The following CSMD1 variants were observed in gnomAD, a reference collection of about 807,000 sequenced individuals.
CSMD1 encodes CUB and Sushi multiple domains 1.
A neutral mutation model predicts 417.5 loss-of-function variants in CSMD1; 213 were observed. That is an observed-to-expected ratio of 0.51 (90% confidence interval 0.46 to 0.57). The LOEUF (loss-of-function observed/expected upper bound fraction) is 0.57, where lower values mean the gene tolerates loss of function less well. CSMD1 is among the 20% of genes least tolerant of loss of function. The pLI, the probability that CSMD1 is intolerant of heterozygous loss-of-function variation, is 0.00. For synonymous variants in CSMD1, 2,862 were observed against 1,736.8 expected, an observed-to-expected ratio of 1.65 and a Z score of -16.11; for missense variants, 6,923 against 4,529.7, an observed-to-expected ratio of 1.53 and a Z score of -15.17.
At chr8:4,160,147 C>A (rs1160994834) in intron 3 of CSMD1, among the ~76,000 whole-genome samples, 1 of 151,456 alleles carries the variant, frequency 6.6e-6, no homozygotes, top group South Asian at 2.1e-4. Flanking sequence ...CAAGTATTAA[C>A]TTTGAAAATT....
intron 5 of CSMD1, among the ~76,000 whole-genome samples, chr8:3,940,973 TCTA>T (rs1426221387): frequency 1.3e-5 from 2 of 151,940 alleles, no homozygotes; most frequent in African/African-American, 4.8e-5. Flanking sequence ...CATTTACTTT[TCTA>T]CTGTTTTTAT....
chr8:3,972,902 G>T (rs920991295), intron 5 of CSMD1, among the ~76,000 whole-genome samples: 156 of 152,170 alleles, frequency 1.0e-3, no homozygotes, highest in African/African-American at 3.5e-3. Context: ...TGTAAAAATG[G>T]AAAACAACCT....
At chr8:3,998,242 AAAG>A in intron 4 of CSMD1, 132 bp from the exon 5 acceptor site, 3 of 696,406 alleles carry the variant, frequency 4.3e-6, no homozygotes, top group Non-Finnish European at 7.2e-6. Context: ...TCAATCTGAA[AAAG>A]AATCTTTTGG....
At chr8:4,089,413 G>A (rs186452275) in intron 3 of CSMD1, among the ~76,000 whole-genome samples, 1 of 152,056 alleles carries the variant, frequency 6.6e-6, no homozygotes, top group Non-Finnish European at 1.5e-5. Context: ...AATGGTACAT[G>A]GTTAGCATTC....
intron 3 of CSMD1, among the ~76,000 whole-genome samples, chr8:4,165,215 C>A (rs912810567): frequency 1.3e-5 from 2 of 152,178 alleles, no homozygotes; most frequent in Admixed American, 1.3e-4. Flanking sequence ...GCTACACACC[C>A]TCCAGGTGTC....
At chr8:4,261,605 T>C (rs1476106155) in intron 3 of CSMD1, among the ~76,000 whole-genome samples, 2 of 152,110 alleles carry the variant, frequency 1.3e-5, no homozygotes, top group African/African-American at 4.8e-5. Context: ...AGATGAGGTC[T>C]TGCTATGTTG....
At chr8:4,749,514 T>C (rs1563285969) in intron 1 of CSMD1, among the ~76,000 whole-genome samples, 2 of 152,232 alleles carry the variant, frequency 1.3e-5, no homozygotes, top group Non-Finnish European at 2.9e-5. Context: ...GGTTAGCACG[T>C]GTATTATTTT....
intron 17 of CSMD1, 23 bp from the exon 18 acceptor site, chr8:3,387,705 G>A (rs1282777698): frequency 1.9e-6 from 3 of 1,564,518 alleles, no homozygotes; most frequent in South Asian, 1.2e-5. Context: ...AACGAATGCA[G>A]TCGATGAGGA....
intron 5 of CSMD1, among the ~76,000 whole-genome samples, chr8:3,775,306 C>T (rs1336443803): frequency 6.6e-6 from 1 of 152,042 alleles, no homozygotes; most frequent in East Asian, 1.9e-4. Context: ...AAGATGAATC[C>T]AGGAGTGAAG....
intron 46 of CSMD1, among the ~76,000 whole-genome samples, chr8:3,101,799 C>CTTTT (rs530061255): frequency 1.1e-4 from 12 of 106,296 alleles, no homozygotes; most frequent in East Asian, 3.0e-4. Context: ...CTTTCTTTTT[C>CTTTT]TTTTTTTTTT....
intron 2 of CSMD1, among the ~76,000 whole-genome samples, chr8:4,577,796 G>A (rs1311323202): frequency 1.3e-5 from 2 of 152,152 alleles, no homozygotes. Context: ...GAATAAAAAA[G>A]ATACCTGATT....
At chr8:3,360,559 G>C (rs561571341) in intron 20 of CSMD1, among the ~76,000 whole-genome samples, 4 of 152,310 alleles carry the variant, frequency 2.6e-5, no homozygotes, top group African/African-American at 9.6e-5. Flanking sequence ...AGCCAACTAG[G>C]AAAATATGCT....
chr8:4,372,899 G>C (rs1802482452), intron 3 of CSMD1, among the ~76,000 whole-genome samples: 1 of 152,192 alleles, frequency 6.6e-6, no homozygotes, highest in Admixed American at 6.5e-5. Flanking sequence ...AAGGCAAAGT[G>C]TAACTCCCCA....
intron 1 of CSMD1, among the ~76,000 whole-genome samples, chr8:4,979,334 C>T (rs775968637): frequency 5.3e-5 from 8 of 152,122 alleles, no homozygotes; most frequent in South Asian, 2.1e-4. Flanking sequence ...ATATTGAGCA[C>T]AGTTGACATT....
intron 5 of CSMD1, among the ~76,000 whole-genome samples, chr8:3,991,548 G>A (rs1523256): frequency 0.45 from 68,636 of 151,990 alleles, 15,504 homozygotes; most frequent in East Asian, 0.53. Flanking sequence ...TTACTGTCTA[G>A]TGAATAATGC....
At chr8:4,062,632 A>C (rs182417320) in intron 3 of CSMD1, among the ~76,000 whole-genome samples, 3 of 152,240 alleles carry the variant, frequency 2.0e-5, no homozygotes. Context: ...AGCACTTATT[A>C]GATTTCAATT....
chr8:3,229,926 T>C, intron 27 of CSMD1, 114 bp downstream of exon 27: 1 of 758,722 alleles, frequency 1.3e-6, no homozygotes, highest in East Asian at 2.8e-5. Context: ...CCAGAGAACA[T>C]GAAAGAAACT....
At chr8:3,909,263 T>C (rs1232325777) in intron 5 of CSMD1, among the ~76,000 whole-genome samples, 2 of 152,092 alleles carry the variant, frequency 1.3e-5, no homozygotes, top group Non-Finnish European at 2.9e-5. Flanking sequence ...CCAAAAGGTG[T>C]CAGTGTTGAG....
chr8:4,986,792 T>C (rs1012538609), intron 1 of CSMD1, among the ~76,000 whole-genome samples: 3 of 151,980 alleles, frequency 2.0e-5, no homozygotes, highest in Non-Finnish European at 2.9e-5. Flanking sequence ...AAAGAAGAAA[T>C]CTTCTGAATT....
Sources: gnomAD v4.1 joint callset for allele counts (sites outside exome capture counted in the v4.1 genomes callset) on GRCh38, gnomAD v4.1.1 for gene constraint, MANE v1.5 for transcripts, NCBI Gene and HGNC (gene_info 2026-07-23, HGNC 2026-07-21) for gene names.